Variants in CACNA2D3 observed in about 807,000 individuals in gnomAD.
The protein encoded by CACNA2D3 is calcium voltage-gated channel auxiliary subunit alpha2delta 3.
Under a neutral mutation model 160.6 loss-of-function variants are expected in CACNA2D3, and 60 were observed. The observed-to-expected ratio is 0.37, with a 90% CI of 0.30 to 0.46. CACNA2D3 has a LOEUF of 0.46. Ranked by LOEUF, CACNA2D3 falls within the 20% of genes least tolerant of loss-of-function variation. The pLI, the probability that CACNA2D3 is intolerant of heterozygous loss-of-function variation, is 1.00. For missense variants in CACNA2D3, 1,205 were observed against 1,365.0 expected (o/e 0.88, Z 1.85); for synonymous variants, 558 against 492.9 (o/e 1.13, Z -1.75).
intron 11 of CACNA2D3, among the ~76,000 whole-genome samples, chr3:54,723,975 A>G (rs1449770511): frequency 6.6e-6 from 1 of 152,238 alleles, no homozygotes; most frequent in Non-Finnish European, 1.5e-5. Flanking sequence ...ACAGACTGGC[A>G]AATTGGATAA....
chr3:54,351,042 C>T (rs1307704299), intron 3 of CACNA2D3, among the ~76,000 whole-genome samples: 6 of 129,608 alleles, frequency 4.6e-5, no homozygotes, highest in Admixed American at 9.0e-5. Context: ...AGGCTGGAGG[C>T]GCGATCTCGG....
At chr3:54,462,087 T>C (rs537076363) in intron 4 of CACNA2D3, among the ~76,000 whole-genome samples, 190 of 152,260 alleles carry the variant, frequency 1.2e-3, no homozygotes, top group African/African-American at 4.4e-3. Context: ...TTGAGTGGTT[T>C]TGAGTGAGTT....
chr3:54,413,717 G>A (rs945801220), intron 4 of CACNA2D3, among the ~76,000 whole-genome samples: 25 of 150,118 alleles, frequency 1.7e-4, no homozygotes, highest in African/African-American at 4.9e-4. Flanking sequence ...TTCATATATT[G>A]TATTTTTAGT....
At chr3:54,985,232 T>C (rs1702588588) in intron 30 of CACNA2D3, among the ~76,000 whole-genome samples, 1 of 152,132 alleles carries the variant, frequency 6.6e-6, no homozygotes, top group African/African-American at 2.4e-5. Flanking sequence ...GACTGCACCA[T>C]GTGCAGTGTA....
At position 55,073,428 on chromosome 3, in the gene CACNA2D3, ACCTCTTGTT is replaced by A. The variant is rs779935292; in HGVS notation, c.2988-14_2988-6del. Reference sequence around the variant, plus strand: ...ACGGATGGTAAATGACTGCCTCGCTACCTCTTGTTCCAACAGGTCCTTTGTCATCCAGCA... The same window carrying A: ...ACGGATGGTAAATGACTGCCTCGCTACCAACAGGTCCTTTGTCATCCAGCA... On this transcript the variant is annotated splice_polypyrimidine_tract_variant and splice_region_variant and intron_variant, in intron 35 of 37. Coordinates refer to ENST00000474759, the MANE Select transcript of CACNA2D3 (RefSeq NM_018398.3). 1.3e-6 allele frequency: 2 copies of A among 1,592,824 alleles called. No individual in the cohort carries two copies. The highest frequency in any genetic ancestry group is 1.7e-6 in the Non-Finnish European group (2 of 1,160,778).
intron 11 of CACNA2D3, among the ~76,000 whole-genome samples, chr3:54,709,784 G>A (rs541723753): frequency 4.1e-4 from 62 of 152,252 alleles, no homozygotes; most frequent in African/African-American, 1.4e-3. Flanking sequence ...AAATTAGCTG[G>A]AAATGATGGC....
intron 27 of CACNA2D3, among the ~76,000 whole-genome samples, chr3:54,966,412 T>G (rs2107062373): frequency 6.6e-6 from 1 of 152,356 alleles, no homozygotes; most frequent in African/African-American, 2.4e-5. Flanking sequence ...GAAGAACAGC[T>G]TTTGTGTTGT....
intron 11 of CACNA2D3, among the ~76,000 whole-genome samples, chr3:54,647,171 G>A (rs1699668141): frequency 6.6e-6 from 1 of 152,222 alleles, no homozygotes; most frequent in African/African-American, 2.4e-5. Flanking sequence ...AGGATCATGA[G>A]CAGAGGACCC....
intron 14 of CACNA2D3, among the ~76,000 whole-genome samples, chr3:54,818,524 G>A (rs1703513158): frequency 6.6e-6 from 1 of 152,198 alleles, no homozygotes; most frequent in Non-Finnish European, 1.5e-5. Context: ...ACAGAATACA[G>A]AAGAACAAAT....
chr3:54,450,998 TAA>T (rs1700296774), intron 4 of CACNA2D3, among the ~76,000 whole-genome samples: 1 of 152,032 alleles, frequency 6.6e-6, no homozygotes, highest in African/African-American at 2.4e-5. Flanking sequence ...TTGGAAGGAA[TAA>T]AAGAGTCATG....
At chr3:55,002,175 G>A (rs200338005) in intron 31 of CACNA2D3, among the ~76,000 whole-genome samples, 3 of 145,068 alleles carry the variant, frequency 2.1e-5, no homozygotes, top group African/African-American at 2.6e-5. Flanking sequence ...AAAAAAAAAA[G>A]AATGTACCCT....
At chr3:54,469,944 C>A (rs774999804) in intron 4 of CACNA2D3, among the ~76,000 whole-genome samples, 19 of 152,042 alleles carry the variant, frequency 1.2e-4, no homozygotes, top group Non-Finnish European at 2.6e-4. Context: ...AAAGACCAAA[C>A]TTACTTTTGA....
chr3:55,027,839 T>C (rs1703597530), intron 35 of CACNA2D3, among the ~76,000 whole-genome samples: 1 of 152,194 alleles, frequency 6.6e-6, no homozygotes, highest in African/African-American at 2.4e-5. Context: ...AAGGCAGCGA[T>C]TACTTTCCTC....
At chr3:54,266,954 T>C (rs1264167540) in intron 2 of CACNA2D3, among the ~76,000 whole-genome samples, 1 of 152,196 alleles carries the variant, frequency 6.6e-6, no homozygotes, top group African/African-American at 2.4e-5. Flanking sequence ...TTGTTGACTT[T>C]ACCTTGGTGT....
At chr3:54,814,821 A>G (rs1436599574) in intron 13 of CACNA2D3, among the ~76,000 whole-genome samples, 1 of 152,114 alleles carries the variant, frequency 6.6e-6, no homozygotes, top group Admixed American at 6.5e-5. Context: ...AAATAGAGAG[A>G]GAGAGAAAGG....
At chr3:54,903,057 ATTTAACTTTATT>A (rs1260360645) in intron 27 of CACNA2D3, among the ~76,000 whole-genome samples, 2 of 151,966 alleles carry the variant, frequency 1.3e-5, no homozygotes, top group African/African-American at 4.8e-5. Context: ...ATTTTTTTTT[ATTTAACTTTATT>A]TTAAGTTCAG....
At chr3:54,376,380 G>A (rs533339603) in intron 3 of CACNA2D3, among the ~76,000 whole-genome samples, 1 of 152,260 alleles carries the variant, frequency 6.6e-6, no homozygotes, top group East Asian at 1.9e-4. Context: ...TATGCCCTTC[G>A]CTTTCATAGT....
At chr3:54,772,035 G>A (rs2107114040) in intron 13 of CACNA2D3, among the ~76,000 whole-genome samples, 1 of 151,902 alleles carries the variant, frequency 6.6e-6, no homozygotes, top group Non-Finnish European at 1.5e-5. Flanking sequence ...GGTTCTCTTT[G>A]TTATATTGCA....
chr3:54,656,556 G>A (rs1699877644), intron 11 of CACNA2D3, among the ~76,000 whole-genome samples: 1 of 152,186 alleles, frequency 6.6e-6, no homozygotes, highest in Admixed American at 6.5e-5. Context: ...AGGCCAAGAA[G>A]GGGAGCTGAG....
Sources: gnomAD v4.1 joint callset for allele counts (sites outside exome capture counted in the v4.1 genomes callset) on GRCh38, gnomAD v4.1.1 for gene constraint, MANE v1.5 for transcripts, NCBI Gene and HGNC (gene_info 2026-07-23, HGNC 2026-07-21) for gene names.